Variants in CCDC18 observed in about 807,000 individuals in gnomAD.
CCDC18 encodes the protein coiled-coil domain containing 18, also known as coiled-coil domain-containing protein 18.
CCDC18 carries 157 observed loss-of-function variants against 196.0 expected under a neutral mutation model. The observed-to-expected ratio is 0.80, with a 90% CI of 0.70 to 0.91. The LOEUF (loss-of-function observed/expected upper bound fraction) is 0.91. Among genes scored for constraint, CCDC18 ranks in the 40% least tolerant of loss-of-function variants. CCDC18 has a pLI of 0.00. For missense variants in CCDC18, 1,465 were observed against 1,611.6 expected, an observed-to-expected ratio of 0.91 and a Z score of 1.56; for synonymous variants, 482 against 529.2, an observed-to-expected ratio of 0.91 and a Z score of 1.22.
At chr1:93,260,368 G>C (rs1663617562) in intron 26 of CCDC18, among the ~76,000 whole-genome samples, 1 of 152,122 alleles carries the variant, frequency 6.6e-6, no homozygotes, top group African/African-American at 2.4e-5. Context: ...TGCGTGACAA[G>C]AGTGAAACTC....
intron 26 of CCDC18, 109 bp from the exon 27 acceptor site, chr1:93,264,592 C>CT: frequency 3.1e-6 from 2 of 640,424 alleles, no homozygotes; most frequent in Non-Finnish European, 5.4e-6. Context: ...ACAGAATTTA[C>CT]TTTTTTTAAA....
At position 93,246,177 on chromosome 1, in the gene CCDC18, T is replaced by C. The variant is rs374837835; in HGVS notation, c.3054T>C (p.Asn1018=). Residue 1018 remains asparagine, a synonymous_variant, in exon 22 of 29, where the codon AAT becomes AAC. Transcript: ENST00000690025. ...LEMDQALKER[N]WELKQRAAQV... is the part of the protein sequence containing the mutation. ...TGGATCAGGCACTTAAAGAGAGAAA[T>C]TGGGAACTAAAGCAAAGAGCAGCTC... 107 of 1,604,332 alleles carry C rather than the reference T, an allele frequency of 6.7e-5. No individual in the cohort carries two copies. Among genetic ancestry groups the C allele is most frequent in the African/African-American group, 2.3e-4 (17 of 74,384 alleles).
chr1:93,195,269 G>A (rs978417658), intron 6 of CCDC18, among the ~76,000 whole-genome samples: 1 of 152,164 alleles, frequency 6.6e-6, no homozygotes, highest in African/African-American at 2.4e-5. Flanking sequence ...TATTATTGCT[G>A]AAGAACTCTT....
intron 23 of CCDC18, among the ~76,000 whole-genome samples, chr1:93,250,919 T>C (rs2101014000): frequency 6.6e-6 from 1 of 152,342 alleles, no homozygotes; most frequent in African/African-American, 2.4e-5. Context: ...ACCCACTCTA[T>C]GTGTTTTAAA....
chr1:93,231,108 A>G (rs921686670), intron 17 of CCDC18, among the ~76,000 whole-genome samples: 3 of 152,208 alleles, frequency 2.0e-5, no homozygotes, highest in Admixed American at 1.3e-4. Flanking sequence ...AGCAAAGAAT[A>G]TTTGGCCCTG....
At chr1:93,212,887 T>G (rs1655885021) in intron 11 of CCDC18, among the ~76,000 whole-genome samples, 1 of 152,178 alleles carries the variant, frequency 6.6e-6, no homozygotes, top group Non-Finnish European at 1.5e-5. Flanking sequence ...ATTATACAAC[T>G]CATCGTAATG....
At chr1:93,196,798 T>A (rs891524394) in intron 6 of CCDC18, among the ~76,000 whole-genome samples, 1 of 152,224 alleles carries the variant, frequency 6.6e-6, no homozygotes, top group Non-Finnish European at 1.5e-5. Context: ...AAAGCATGAA[T>A]TTGAACAAAT....
chr1:93,205,848 T>C (rs1049640696), intron 8 of CCDC18, among the ~76,000 whole-genome samples: 16 of 152,170 alleles, frequency 1.1e-4, no homozygotes, highest in African/African-American at 3.9e-4. Flanking sequence ...GACATACTGA[T>C]CAACATATTT....
intron 16 of CCDC18, among the ~76,000 whole-genome samples, chr1:93,224,202 T>A (rs1387223136): frequency 1.3e-5 from 2 of 152,144 alleles, no homozygotes; most frequent in African/African-American, 4.8e-5. Flanking sequence ...TTTATCTCTC[T>A]CTACACATAC....
chr1:93,248,972 CAAAAA>C (rs71586786), intron 23 of CCDC18, among the ~76,000 whole-genome samples: 3 of 95,754 alleles, frequency 3.1e-5, no homozygotes, highest in Non-Finnish European at 2.2e-5. Flanking sequence ...AACCCTGTCT[CAAAAA>C]AAAAAAAAAA....
rs200334404 is a variant in CCDC18 at position 93,183,489 on chromosome 1, T to C, written c.128T>C (p.Leu43Ser). The stretch of plus-strand genomic sequence containing the variant: ...AGTTTGCAGAGTTTAGGGGAAGAGT[T>C]ATCCAGGTAAGTAAGTAAAATCACA... ...EWSLQSLGEELSSVSPSENSD... is the reference protein window; with the variant it reads ...EWSLQSLGEESSSVSPSENSD... The change falls in exon 2 of 29, where the codon TTA becomes TCA. Residue 43 changes from leucine to serine, a missense_variant. Leu to Ser is a moderately radical substitution (Grantham distance 145). Coordinates refer to ENST00000690025, the MANE Select transcript of CCDC18 (RefSeq NM_001378204.1). 7.6e-6 allele frequency: 12 copies of C among 1,586,842 alleles called. No homozygotes were observed. The highest frequency in any genetic ancestry group is 1.0e-5 in the Non-Finnish European group (12 of 1,167,696).
chr1:93,266,246 G>A (rs545080078), intron 27 of CCDC18, among the ~76,000 whole-genome samples: 100 of 152,270 alleles, frequency 6.6e-4, no homozygotes, highest in Non-Finnish European at 1.0e-3. Flanking sequence ...TGAAACCAAT[G>A]AGAACAAAGA....
In CCDC18 at chr1:93,266,683, A is replaced by G. The variant is rs1439854145; in HGVS notation, c.3885+1782A>G. Among the ~76,000 whole-genome samples the G allele has an allele frequency of 2.0e-5, 3 of 152,226 alleles. No individual in the cohort carries two copies. In the East Asian group the frequency reaches 5.8e-4, roughly 29 times the overall value. ...ATAAACACCTCTACACAAATAAACT[A>G]GAAAACCTAGAAGAAATGGATAAAG... On this transcript the variant is annotated intron_variant, in intron 27 of 28. Transcript: ENST00000690025.
intron 16 of CCDC18, 26 bp downstream of exon 16, chr1:93,221,962 C>A: frequency 6.7e-6 from 9 of 1,335,696 alleles, no homozygotes; most frequent in South Asian, 1.4e-5. Flanking sequence ...CTTTATTTTT[C>A]TTTCTTTCCT....
intron 21 of CCDC18, among the ~76,000 whole-genome samples, chr1:93,245,402 C>A (rs541895063): frequency 2.6e-5 from 4 of 152,140 alleles, no homozygotes; most frequent in African/African-American, 9.6e-5. Flanking sequence ...AAAATTAGTA[C>A]CCTTATCAGT....
At chr1:93,180,251 G>C (rs1481207219), upstream of CCDC18, 1 of 1,599,914 alleles carries the variant, frequency 6.3e-7, no homozygotes. Flanking sequence ...ATCCCTGCTG[G>C]GGCGATCCCG....
chr1:93,228,078 A>T (rs1373169164), intron 17 of CCDC18, among the ~76,000 whole-genome samples: 3 of 151,722 alleles, frequency 2.0e-5, no homozygotes, highest in Non-Finnish European at 4.4e-5. Context: ...TCTTTTAAAT[A>T]GAGCAAATTT....
At chr1:93,185,898 A>G (rs1371248852) in intron 3 of CCDC18, among the ~76,000 whole-genome samples, 6 of 151,820 alleles carry the variant, frequency 4.0e-5, no homozygotes. Flanking sequence ...AATATAATAA[A>G]AATATTTATA....
chr1:93,199,241 T>C (rs1164721204), intron 6 of CCDC18, among the ~76,000 whole-genome samples: 1 of 151,924 alleles, frequency 6.6e-6, no homozygotes, highest in Non-Finnish European at 1.5e-5. Context: ...CTGCCAAGGG[T>C]GAGCTAGGTG....
Sources: allele counts gnomAD v4.1 joint callset (sites outside exome capture counted in the v4.1 genomes callset), GRCh38; gene constraint gnomAD v4.1.1; transcripts MANE v1.5; gene names NCBI Gene and HGNC (gene_info 2026-07-23, HGNC 2026-07-21).